CNNM3: variants seen among roughly 807,000 people sequenced by gnomAD.
CNNM3 encodes the protein metal transporter CNNM3.
A neutral mutation model predicts 57.1 loss-of-function variants in CNNM3; 47 were observed. The ratio of observed to expected loss-of-function variants is 0.82; its 90% confidence interval spans 0.65 to 1.05. The LOEUF (loss-of-function observed/expected upper bound fraction) is 1.05, where lower values mean the gene tolerates loss of function less well. Among genes scored for constraint, CNNM3 ranks in the 50% least tolerant of loss-of-function variants. The pLI is 0.00. For synonymous variants in CNNM3, 507 were observed against 478.2 expected (o/e 1.06, Z -0.79); for missense variants, 957 against 973.7 (o/e 0.98, Z 0.23).
intron 7 of CNNM3, chr2:96,829,412 T>C (rs2079565010): frequency 5.1e-6 from 1 of 196,930 alleles, no homozygotes; most frequent in Non-Finnish European, 9.1e-6. Flanking sequence ...GCAGTTCTCC[T>C]GTCTCAGACT....
In CNNM3 at chr2:96,817,123, G is replaced by C; in HGVS notation, c.846G>C (p.Arg282=). 1 of 1,347,708 alleles carries C rather than the reference G, an allele frequency of 7.4e-7. No individual in the cohort carries two copies. The highest frequency in any genetic ancestry group is 1.5e-5 in the African/African-American group (1 of 65,336). 83.5% of individuals were successfully genotyped at this position (1,347,708 alleles called of 1,614,324 possible). A position where few individuals can be genotyped will look rare whatever the true frequency, so the allele number is the denominator to read the frequency against. The change falls in exon 1 of 8, where the codon CGG becomes CGC. Residue 282 remains arginine (R), a synonymous_variant. Coordinates refer to ENST00000305510, the MANE Select transcript of CNNM3 (RefSeq NM_017623.5). Reference sequence around the variant, plus strand: ...GGCAGCTGCTGGAGCTGGCGGCGCGGCCCGGGCGGCTGCGGGAGCGGGTGC... The same window carrying C: ...GGCAGCTGCTGGAGCTGGCGGCGCGCCCCGGGCGGCTGCGGGAGCGGGTGC... The part of the protein sequence containing the change: ...PVGQLLELAA[R]PGRLRERVLE...
At chr2:96,830,261 C>T (rs1019725935) in intron 7 of CNNM3, among the ~76,000 whole-genome samples, 3 of 152,058 alleles carry the variant, frequency 2.0e-5, no homozygotes, top group East Asian at 3.9e-4. Flanking sequence ...TGCCCCACCA[C>T]GAGGAAGACA....
intron 1 of CNNM3, among the ~76,000 whole-genome samples, chr2:96,817,760 C>CG (rs912315205): frequency 4.6e-5 from 7 of 151,956 alleles, no homozygotes; most frequent in African/African-American, 1.7e-4. Flanking sequence ...GCCCCCCCCC[C>CG]CCATTTGCAG....
At chr2:96,828,783 CG>C in intron 6 of CNNM3, 83 bp downstream of exon 6, 1 of 1,566,130 alleles carries the variant, frequency 6.4e-7, no homozygotes, top group African/African-American at 1.3e-5. Context: ...TGAGACTGCC[CG>C]GAACAAGGCC....
At chr2:96,826,044 G>T (rs772543502) in intron 2 of CNNM3, among the ~76,000 whole-genome samples, 1 of 152,176 alleles carries the variant, frequency 6.6e-6, no homozygotes, top group African/African-American at 2.4e-5. Flanking sequence ...CAGAAGTATC[G>T]CTTTAATCAT....
At chr2:96,821,316 C>T (rs1445356126) in intron 1 of CNNM3, among the ~76,000 whole-genome samples, 2 of 152,124 alleles carry the variant, frequency 1.3e-5, no homozygotes, top group Non-Finnish European at 2.9e-5. Flanking sequence ...GAACAAAGGG[C>T]ATATTGCAGT....
chr2:96,836,005 T>G (rs763877824), downstream of CNNM3, among the ~76,000 whole-genome samples: 1 of 152,168 alleles, frequency 6.6e-6, no homozygotes, highest in African/African-American at 2.4e-5. Flanking sequence ...TGTTGAGTTT[T>G]GAGAGTTCTT....
At chr2:96,830,970 C>T (rs903249709) in intron 7 of CNNM3, among the ~76,000 whole-genome samples, 2 of 152,174 alleles carry the variant, frequency 1.3e-5, no homozygotes, top group African/African-American at 4.8e-5. Context: ...TTGGTTCTCC[C>T]ACATGTGAGC....
chr2:96,816,412 C>T lies in CNNM3; in HGVS notation c.135C>T (p.Gly45=). 1 of 1,373,218 alleles carries T rather than the reference C, an allele frequency of 7.3e-7. No individual in the cohort carries two copies. The highest frequency in any genetic ancestry group is 9.4e-7 in the Non-Finnish European group (1 of 1,066,200). 85.1% of individuals were successfully genotyped at this position (1,373,218 alleles called of 1,614,324 possible). The change falls in exon 1 of 8, where the codon GGC becomes GGT. Residue 45 remains glycine, a synonymous_variant. Transcript: ENST00000305510. ...GCCTGGAGGAGGATGGAGCGGCGGGCGCGGGTTGGGTACGCGGAGGGGCGG... is the reference window on the plus strand; with the variant it reads ...GCCTGGAGGAGGATGGAGCGGCGGGTGCGGGTTGGGTACGCGGAGGGGCGG... ...GFCLEEDGAA[G]AGWVRGGAAR...
chr2:96,816,511 G>T lies in CNNM3; in HGVS notation c.234G>T (p.Trp78Cys). ...GPGFANSSWS[W>C]VAPEGAGCRE... ...GCTTCGCCAACAGCTCTTGGTCCTG[G>T]GTGGCCCCGGAGGGGGCGGGCTGCC... is the stretch of plus-strand genomic sequence containing the variant. The change falls in exon 1 of 8, where the codon TGG becomes TGT. Residue 78 changes from tryptophan (W) to cysteine (C), a missense_variant. Physicochemically the swap from Trp to Cys is radical, Grantham distance 215. Coordinates refer to ENST00000305510, the MANE Select transcript of CNNM3 (RefSeq NM_017623.5). 7.1e-7 allele frequency: 1 copy of T among 1,414,876 alleles called. No individual in the cohort carries two copies. Among genetic ancestry groups the T allele is most frequent in the Non-Finnish European group, 9.2e-7 (1 of 1,082,286 alleles). The allele number at this position is 1,414,876 out of a possible 1,614,324, so 87.6% of individuals were successfully genotyped here.
At chr2:96,826,705 G>A (rs907893788) in intron 2 of CNNM3, 128 bp from the exon 3 acceptor site, 24 of 1,098,498 alleles carry the variant, frequency 2.2e-5, no homozygotes, top group African/African-American at 1.1e-4. Context: ...TGTCCCTGGC[G>A]TTCCGATGCT....
At chr2:96,824,947 T>G in intron 1 of CNNM3, 111 bp from the exon 2 acceptor site, 2 of 1,225,456 alleles carry the variant, frequency 1.6e-6, no homozygotes, top group Non-Finnish European at 2.3e-6. Context: ...GCCTGGCACG[T>G]TGTAGGAGCA....
rs201161789 is a variant in CNNM3 at position 96,825,185 on chromosome 2, C to T, written c.1353C>T (p.Asp451=). 91 of 1,614,118 alleles carry T rather than the reference C, an allele frequency of 5.6e-5. No individual in the cohort carries two copies. Among genetic ancestry groups the T allele is most frequent in the Middle Eastern group, 3.3e-4 (2 of 6,060 alleles). The stretch of plus-strand genomic sequence containing the variant: ...AGATCATCAGGTCCGAGATCCTGGA[C>T]GAGTCTGAAGACTACCGTGAGTCCA... ...IEEIIRSEIL[D]ESEDYRDTVV... Residue 451 remains aspartate, a synonymous_variant, in exon 2 of 8, where the codon GAC becomes GAT. Transcript: ENST00000305510.
At chr2:96,826,367 C>T (rs1300096285) in intron 2 of CNNM3, among the ~76,000 whole-genome samples, 1 of 152,050 alleles carries the variant, frequency 6.6e-6, no homozygotes, top group African/African-American at 2.4e-5. Flanking sequence ...CGCATGCCAC[C>T]ACACCCGTCT....
intron 3 of CNNM3, 87 bp from the exon 4 acceptor site, chr2:96,827,641 CAAT>C: frequency 7.3e-7 from 1 of 1,375,124 alleles, no homozygotes. Flanking sequence ...CTGGTGGGCA[CAAT>C]AACTTTAAAT....
At chr2:96,824,936 T>C in intron 1 of CNNM3, 122 bp from the exon 2 acceptor site, 1 of 1,073,610 alleles carries the variant, frequency 9.3e-7, no homozygotes, top group Non-Finnish European at 1.4e-6. Context: ...TGTGGCTCTG[T>C]GCCTGGCACG....
At position 96,826,717 on chromosome 2, in the gene CNNM3, C is replaced by G. The variant is rs370139349; in HGVS notation, c.1370-116C>G. ...ACATGTCCCTGGCGTTCCGATGCTG[C>G]TCCATCGAGGACCCCCTGGCCTCAG... is the stretch of plus-strand genomic sequence containing the variant. On this transcript the variant is annotated intron_variant, in intron 2 of 7. Coordinates refer to ENST00000305510, the MANE Select transcript of CNNM3 (RefSeq NM_017623.5). 3,675 of 1,251,228 alleles carry G rather than the reference C, an allele frequency of 2.9e-3. 6 individuals are homozygous for G. Among genetic ancestry groups the G allele is most frequent in the Non-Finnish European group, 3.7e-3 (3,280 of 888,828 alleles). The allele number at this position is 1,251,228 out of a possible 1,614,324, so 77.5% of individuals were successfully genotyped here.
Position 96,835,370 on chromosome 2 carries a change from G to A in CNNM3, c.*2754G>A, listed in dbSNP as rs535090348. The stretch of plus-strand genomic sequence containing the variant: ...GGGCTATTCCAAATAAAGCTGCTAC[G>A]ACTATTCATGTACAGGTTTCTGTGT... On this transcript the variant is annotated 3_prime_UTR_variant, in exon 8 of 8. Coordinates refer to ENST00000305510, the MANE Select transcript of CNNM3 (RefSeq NM_017623.5). 6.6e-6 allele frequency among the ~76,000 whole-genome samples: 1 copy of A among 152,142 alleles called. No homozygotes were observed. The highest frequency in any genetic ancestry group is 1.5e-5 in the Non-Finnish European group (1 of 68,040).
At chr2:96,827,064 C>T in intron 3 of CNNM3, 82 bp downstream of exon 3, 1 of 1,477,990 alleles carries the variant, frequency 6.8e-7, no homozygotes, top group Admixed American at 1.9e-5. Context: ...GACACTGACT[C>T]TGCTCCCCAC....
Sources: gnomAD v4.1 joint callset for allele counts (sites outside exome capture counted in the v4.1 genomes callset) on GRCh38, gnomAD v4.1.1 for gene constraint, MANE v1.5 for transcripts, NCBI Gene and HGNC (gene_info 2026-07-23, HGNC 2026-07-21) for gene names.